Variants in WNT11 observed in about 807,000 individuals in gnomAD.
WNT11 encodes the protein Wnt family member 11, also known as protein Wnt-11.
Under a neutral mutation model 35.6 loss-of-function variants are expected in WNT11, and 20 were observed. The observed-to-expected ratio is 0.56, with a 90% CI of 0.40 to 0.82. WNT11 has a LOEUF of 0.82. WNT11 is among the 40% of genes least tolerant of loss of function. WNT11 has a pLI of 0.00. For missense variants in WNT11, 459 were observed against 504.4 expected, an observed-to-expected ratio of 0.91 and a Z score of 0.86; for synonymous variants, 200 against 211.9, an observed-to-expected ratio of 0.94 and a Z score of 0.49.
At position 76,194,003 on chromosome 11, in the gene WNT11, G is replaced by A. The variant is rs1238946683; in HGVS notation, c.597+564C>T. On this transcript the variant is annotated intron_variant, in intron 3 of 4. Coordinates refer to ENST00000322563, the MANE Select transcript of WNT11 (RefSeq NM_004626.3). The surrounding 1 kb of genome is among the most constrained non-coding windows in gnomAD (Gnocchi z 5.4). ...CACTCACCCCAGTCTTTTGGGCAGT[G>A]AGGTGAGGAATGAATGAAAACCTGA... Among the ~76,000 whole-genome samples, 1 of 152,198 alleles carries A rather than the reference G, an allele frequency of 6.6e-6. No individual in the cohort carries two copies. The highest frequency in any genetic ancestry group is 1.9e-4 in the East Asian group (1 of 5,186).
intron 1 of WNT11, among the ~76,000 whole-genome samples, chr11:76,200,436 G>A (rs1367622935): frequency 1.3e-5 from 2 of 152,200 alleles, no homozygotes; most frequent in Non-Finnish European, 2.9e-5. Context: ...TTTCCCGGTT[G>A]TCAACAGCTC....
chr11:76,203,885 G>A (rs1422213950), intron 1 of WNT11, among the ~76,000 whole-genome samples: 2 of 152,206 alleles, frequency 1.3e-5, no homozygotes, highest in Admixed American at 1.3e-4. Context: ...GGGGCTCCCT[G>A]TGCCCAACAG....
Position 76,194,761 on chromosome 11 carries a change from G to A in WNT11, c.403C>T (p.Leu135=), listed in dbSNP as rs1288809503. ...ACGGGGCCGCAGGAGCAGCCGGGCAGGTCGCCGGAGGTGCAGGCCCGGGCG... is the reference window on the plus strand; with the variant it reads ...ACGGGGCCGCAGGAGCAGCCGGGCAAGTCGCCGGAGGTGCAGGCCCGGGCG... ...AIARACTSGD[L]PGCSCGPVPG... is the part of the protein sequence containing the mutation. Residue 135 remains leucine, a synonymous_variant, in exon 3 of 5, where the codon CTG becomes TTG. Coordinates refer to ENST00000322563, the MANE Select transcript of WNT11 (RefSeq NM_004626.3). This position sits in a 1 kb window ranked among gnomAD's most constrained non-coding sequence, Gnocchi z 5.4. 3 of 1,554,250 alleles carry A rather than the reference G, an allele frequency of 1.9e-6. No individual in the cohort carries two copies. Among genetic ancestry groups the A allele is most frequent in the African/African-American group, 1.4e-5 (1 of 73,412 alleles).
rs369703141 is a variant in WNT11 at position 76,191,908 on chromosome 11, TGACCCGG to T, written c.598-59_598-53del. The T allele has an allele frequency of 3.9e-6, 6 of 1,547,718 alleles. No homozygotes were observed. The African/African-American group carries it at 6.8e-5, about 17-fold the overall frequency. ...GGTGGCCAGAGTCCCCTCCCTGGCC[TGACCCGG>T]GACCCCAGCCCCACCCACCCATGGC... On this transcript the variant is annotated intron_variant, in intron 3 of 4. Transcript: ENST00000322563.
At position 76,196,715 on chromosome 11, in the gene WNT11, C is replaced by T. The variant is rs747983796; in HGVS notation, c.87G>A (p.Ala29=). ...CCAGGGCCGATGGTGTCTTGGACAG[C>T]GCCCTGCACACCATGGAAAGGCCAT... ...TGVCYGIKWL[A]LSKTPSALAL... is the part of the protein sequence containing the mutation. The change falls in exon 2 of 5, where the codon GCG becomes GCA. Residue 29 remains alanine, a synonymous_variant. Coordinates refer to ENST00000322563, the MANE Select transcript of WNT11 (RefSeq NM_004626.3). 52 of 1,600,608 alleles carry T rather than the reference C, an allele frequency of 3.2e-5. No homozygotes were observed. The highest frequency in any genetic ancestry group is 1.8e-4 in the South Asian group (16 of 89,938).
upstream of WNT11, chr11:76,206,628 C>T: frequency 1.0e-6 from 1 of 991,152 alleles, no homozygotes. Context: ...TCCCGCTCCG[C>T]CCGGCCGGGG....
rs1256294900 is a variant in WNT11, at chr11:76,187,091, T to C, written c.1039A>G (p.Thr347Ala). 1.2e-6 allele frequency: 2 copies of C among 1,611,808 alleles called. No individual in the cohort carries two copies. The highest frequency in any genetic ancestry group is 1.7e-6 in the Non-Finnish European group (2 of 1,180,012). The change falls in exon 5 of 5, where the codon ACC becomes GCC. Residue 347 changes from threonine to alanine, a missense_variant. Physicochemically the swap from Thr to Ala is moderately conservative, Grantham distance 58. Transcript: ENST00000322563. The part of the protein sequence containing the change: ...CYVTCRRCER[T>A]VERYVCK ...CACTTGCAGACATAGCGCTCCACGGTACGCTCACACCTGCGGCAGGTGACG... is the reference window on the plus strand; with the variant it reads ...CACTTGCAGACATAGCGCTCCACGGCACGCTCACACCTGCGGCAGGTGACG...
At chr11:76,208,404 A>G (rs1269038782), upstream of WNT11, among the ~76,000 whole-genome samples, 1 of 152,198 alleles carries the variant, frequency 6.6e-6, no homozygotes, top group Non-Finnish European at 1.5e-5. Flanking sequence ...GGGGTCTCAG[A>G]GGGGTTCTCG....
Position 76,186,968 on chromosome 11 carries a change from A to T in WNT11, c.*97T>A. ...CCCATGCCTGGCATCTGGAATTCAC[A>T]AGCAGAGCTCCATGGAGTGTCTCCA... On this transcript the variant is annotated 3_prime_UTR_variant, in exon 5 of 5. Transcript: ENST00000322563. 6 of 1,564,474 alleles carry T rather than the reference A, an allele frequency of 3.8e-6. No homozygotes were observed. Among genetic ancestry groups the T allele is most frequent in the Non-Finnish European group, 5.2e-6 (6 of 1,156,462 alleles).
At position 76,191,590 on chromosome 11, in the gene WNT11, C is replaced by A; in HGVS notation, c.864G>T (p.Lys288Asn). The A allele has an allele frequency of 6.2e-7, 1 of 1,611,808 alleles. No homozygotes were observed. The highest frequency in any genetic ancestry group is 8.5e-7 in the Non-Finnish European group (1 of 1,178,254). Residue 288 changes from lysine to asparagine, a missense_variant, in exon 4 of 5, where the codon AAG becomes AAT. By Grantham distance (94) the Lys-to-Asn change is moderately conservative. Transcript: ENST00000322563. ...SSPDFCMKNE[K>N]VGSHGTQDRQ... ...TGTCTTGTGTCCCGTGGGAGCCCAC[C>A]TTCTCATTCTTCATGCAGAAGTCAG...
At chr11:76,196,847 C>T (rs1591307035) in intron 1 of WNT11, 129 bp from the exon 2 acceptor site, 1 of 1,100,014 alleles carries the variant, frequency 9.1e-7, no homozygotes, top group Non-Finnish European at 1.3e-6. Context: ...TTCCTGGCTC[C>T]TTCCAAAAAA....
chr11:76,189,200 C>G (rs942363078), intron 4 of WNT11, among the ~76,000 whole-genome samples: 1 of 152,238 alleles, frequency 6.6e-6, no homozygotes, highest in Admixed American at 6.5e-5. Context: ...AAGGCTCTGG[C>G]TGAGCACTCT....
chr11:76,195,013 T>C, intron 2 of WNT11, 169 bp from the exon 3 acceptor site: 1 of 839,374 alleles, frequency 1.2e-6, no homozygotes, highest in East Asian at 2.7e-5. Flanking sequence ...TCCTTCTGAA[T>C]ATACCAGCTG....
chr11:76,187,247 G>T lies in WNT11; in HGVS notation c.891-8C>A. ...GATGTCTTGTTGCACTGCCTATTGT[G>T]GGGGCAGGAAGGAGGTCAGTGCATG... On this transcript the variant is annotated splice_region_variant and splice_polypyrimidine_tract_variant and intron_variant, in intron 4 of 4. Transcript: ENST00000322563. The T allele has an allele frequency of 6.3e-7, 1 of 1,599,650 alleles. No homozygotes were observed. The highest frequency in any genetic ancestry group is 1.3e-5 in the African/African-American group (1 of 75,010).
intron 1 of WNT11, among the ~76,000 whole-genome samples, chr11:76,204,379 T>C (rs1302032472): frequency 2.0e-5 from 3 of 152,226 alleles, no homozygotes; most frequent in East Asian, 3.9e-4. Context: ...TAGGCTCTTG[T>C]GGTGCCTGGT....
intron 2 of WNT11, among the ~76,000 whole-genome samples, chr11:76,196,000 T>C (rs1953278639): frequency 6.6e-6 from 1 of 152,168 alleles, no homozygotes. Flanking sequence ...GCAGGAAGTC[T>C]TCGAGATGTT....
upstream of WNT11, among the ~76,000 whole-genome samples, chr11:76,208,870 G>A (rs144588846): frequency 1.3e-5 from 2 of 152,314 alleles, no homozygotes; most frequent in Admixed American, 1.3e-4. Flanking sequence ...CCTTGTACGA[G>A]CGCCCGGGAC....
chr11:76,206,616 C>T, upstream of WNT11: 1 of 1,085,968 alleles, frequency 9.2e-7, no homozygotes, highest in South Asian at 4.6e-5. Context: ...GCGGGCGTCC[C>T]CTCCCGCTCC....
At chr11:76,189,603 G>C (rs1953150653) in intron 4 of WNT11, among the ~76,000 whole-genome samples, 1 of 152,186 alleles carries the variant, frequency 6.6e-6, no homozygotes, top group South Asian at 2.1e-4. Context: ...CAGTTCACCA[G>C]GCTCACTTAC....
Sources: allele counts gnomAD v4.1 joint callset (sites outside exome capture counted in the v4.1 genomes callset), GRCh38; gene constraint gnomAD v4.1.1; non-coding constraint Gnocchi (gnomAD v3.1); transcripts MANE v1.5; gene names NCBI Gene and HGNC (gene_info 2026-07-23, HGNC 2026-07-21).